Variants in PPARGC1A observed in about 807,000 individuals in gnomAD.
The protein encoded by PPARGC1A is PPARG coactivator 1 alpha.
PPARGC1A carries 25 observed loss-of-function variants against 88.7 expected under a neutral mutation model. The ratio of observed to expected loss-of-function variants is 0.28; its 90% CI spans 0.21 to 0.39. The LOEUF is 0.39. Ranked by LOEUF, PPARGC1A falls within the 10% of genes least tolerant of loss-of-function variation. PPARGC1A has a pLI of 1.00. For missense variants in PPARGC1A, 880 were observed against 968.7 expected (o/e 0.91, Z 1.22); for synonymous variants, 363 against 355.6 (o/e 1.02, Z -0.24).
At chr4:24,140,448 T>A in the PPARGC1A span, among the ~76,000 whole-genome samples, 2 of 152,134 alleles carry the variant, frequency 1.3e-5, no homozygotes, top group Non-Finnish European at 2.9e-5. Context: ...ACCGGGTCAT[T>A]GGACAATGCT....
At chr4:24,236,196 C>T in the PPARGC1A span, among the ~76,000 whole-genome samples, 5 of 152,148 alleles carry the variant, frequency 3.3e-5, no homozygotes, top group South Asian at 2.1e-4. Flanking sequence ...TCCAGACTTT[C>T]GGGTCGTATC....
upstream of PPARGC1A, among the ~76,000 whole-genome samples, chr4:23,890,748 C>A (rs1717739557): frequency 2.6e-5 from 4 of 151,692 alleles, no homozygotes; most frequent in Admixed American, 6.6e-5. Flanking sequence ...CTGCAGTTTT[C>A]TTTGCTCCAT....
At chr4:24,466,458 G>A in the PPARGC1A span, among the ~76,000 whole-genome samples, 7 of 152,200 alleles carry the variant, frequency 4.6e-5, no homozygotes, top group African/African-American at 1.7e-4. Context: ...TCCCTGACTA[G>A]CGCTGAGACC....
chr4:23,808,125 C>T (rs1720192567), intron 10 of PPARGC1A, among the ~76,000 whole-genome samples: 1 of 151,848 alleles, frequency 6.6e-6, no homozygotes, highest in Non-Finnish European at 1.5e-5. Flanking sequence ...GTGGTGGATA[C>T]CTGTAGTCCC....
chr4:24,344,828 T>C, the PPARGC1A span, among the ~76,000 whole-genome samples: 1 of 152,142 alleles, frequency 6.6e-6, no homozygotes. Context: ...AATCCTTGCC[T>C]AAGCCAATGT....
chr4:23,977,990 G>A, the PPARGC1A span, among the ~76,000 whole-genome samples: 7 of 152,198 alleles, frequency 4.6e-5, no homozygotes, highest in Non-Finnish European at 1.0e-4. Flanking sequence ...CAATAGGGAA[G>A]AGAATTATAT....
chr4:24,188,604 T>C, the PPARGC1A span, among the ~76,000 whole-genome samples: 1 of 152,116 alleles, frequency 6.6e-6, no homozygotes, highest in South Asian at 2.1e-4. Context: ...CTAACCACCT[T>C]GCACCCATAA....
At chr4:23,838,871 T>G (rs193085302) in intron 2 of PPARGC1A, among the ~76,000 whole-genome samples, 201 of 151,206 alleles carry the variant, frequency 1.3e-3, no homozygotes, top group Non-Finnish European at 2.5e-3. Flanking sequence ...CTCAATGCCT[T>G]GAGTGCATTC....
At chr4:24,197,030 C>A in the PPARGC1A span, among the ~76,000 whole-genome samples, 1 of 152,086 alleles carries the variant, frequency 6.6e-6, no homozygotes, top group Admixed American at 6.5e-5. Flanking sequence ...AAAACTTACA[C>A]GGTGAAAGGT....
the PPARGC1A span, among the ~76,000 whole-genome samples, chr4:23,927,493 G>A: frequency 6.6e-6 from 1 of 152,008 alleles, no homozygotes; most frequent in Admixed American, 6.5e-5. Flanking sequence ...GAGGGTAATT[G>A]GATCTGTTTC....
At chr4:23,854,422 A>C (rs76281424) in intron 2 of PPARGC1A, among the ~76,000 whole-genome samples, 75 of 152,320 alleles carry the variant, frequency 4.9e-4, no homozygotes, top group Non-Finnish European at 9.1e-4. Context: ...ATGAAGGCAC[A>C]TCATCAGCAC....
At chr4:24,029,233 T>G in the PPARGC1A span, among the ~76,000 whole-genome samples, 1 of 152,198 alleles carries the variant, frequency 6.6e-6, no homozygotes, top group Non-Finnish European at 1.5e-5. Flanking sequence ...GAGAAACGAC[T>G]AGGGAATTCT....
chr4:23,993,940 C>G, the PPARGC1A span, among the ~76,000 whole-genome samples: 2 of 152,108 alleles, frequency 1.3e-5, no homozygotes, highest in Non-Finnish European at 2.9e-5. Context: ...CCATCAGACA[C>G]TTTTTCCATC....
At chr4:23,951,909 T>C in the PPARGC1A span, among the ~76,000 whole-genome samples, 1 of 152,160 alleles carries the variant, frequency 6.6e-6, no homozygotes, top group African/African-American at 2.4e-5. Context: ...TGAAAGCTCA[T>C]GATGAAAGGT....
the PPARGC1A span, among the ~76,000 whole-genome samples, chr4:24,451,905 C>T: frequency 3.3e-5 from 5 of 152,190 alleles, no homozygotes. Context: ...GTCAATTTGA[C>T]TGGGCCATGG....
At chr4:24,445,124 G>A in the PPARGC1A span, among the ~76,000 whole-genome samples, 2 of 152,070 alleles carry the variant, frequency 1.3e-5, no homozygotes, top group African/African-American at 4.8e-5. Context: ...TGACAATCCT[G>A]AACAGTGCTT....
chr4:24,381,048 G>A, the PPARGC1A span, among the ~76,000 whole-genome samples: 2 of 151,962 alleles, frequency 1.3e-5, no homozygotes, highest in African/African-American at 2.4e-5. Flanking sequence ...AAGGAGCTCT[G>A]ACAATTGGGA....
chr4:24,138,180 C>T, the PPARGC1A span, among the ~76,000 whole-genome samples: 1 of 152,230 alleles, frequency 6.6e-6, no homozygotes, highest in South Asian at 2.1e-4. Flanking sequence ...GCCAGGTTTG[C>T]AGTTAACCTG....
chr4:24,260,506 A>G, the PPARGC1A span, among the ~76,000 whole-genome samples: 2 of 152,240 alleles, frequency 1.3e-5, no homozygotes, highest in East Asian at 3.8e-4. Context: ...AGCAATTAAC[A>G]TTCACGAGTA....
Sources: allele counts gnomAD v4.1 joint callset (sites outside exome capture counted in the v4.1 genomes callset), GRCh38; gene constraint gnomAD v4.1.1; transcripts MANE v1.5; gene names NCBI Gene and HGNC (gene_info 2026-07-23, HGNC 2026-07-21).